FHDC1: variants seen among roughly 807,000 people sequenced by gnomAD.
The protein encoded by FHDC1 is FH2 domain containing 1.
Under a neutral mutation model 52.6 loss-of-function variants are expected in FHDC1, and 25 were observed. The ratio of observed to expected loss-of-function variants is 0.48; its 90% confidence interval spans 0.35 to 0.66. The LOEUF is 0.66. Among genes scored for constraint, FHDC1 ranks in the 30% least tolerant of loss-of-function variants. FHDC1 has a pLI of 0.01. For synonymous variants in FHDC1, 616 were observed against 581.5 expected (o/e 1.06, Z -0.85); for missense variants, 1,459 against 1,452.8 (o/e 1.00, Z -0.07).
rs190636594 is a variant in FHDC1 at position 152,960,368 on chromosome 4, A to G, written c.664-197A>G. On this transcript the variant is annotated intron_variant, in intron 4 of 11. Transcript: ENST00000511601. ...AAGTGACGCTAGCTCTTTGCTTTCA[A>G]ATTTGTGAGTTTGTATTTTTCTTTT... Among the ~76,000 whole-genome samples the G allele has an allele frequency of 2.3e-3, 356 of 152,226 alleles. 3 individuals are homozygous for G. The highest frequency in any genetic ancestry group is 2.2e-3 in the Non-Finnish European group (152 of 68,014).
At chr4:152,936,581 G>T (rs867021723) in intron 1 of FHDC1, among the ~76,000 whole-genome samples, 172 bp downstream of exon 1, 1 of 152,110 alleles carries the variant, frequency 6.6e-6, no homozygotes, top group Non-Finnish European at 1.5e-5. Context: ...GAGCCTCACC[G>T]GGAAAGCTGG....
At chr4:152,960,674 T>C in intron 5 of FHDC1, 24 bp downstream of exon 5, 2 of 1,613,360 alleles carry the variant, frequency 1.2e-6, no homozygotes, top group Non-Finnish European at 1.7e-6. Flanking sequence ...CGCTGGTTAT[T>C]ATTCTTCACG....
chr4:152,926,308 A>ACAC, the FHDC1 span, among the ~76,000 whole-genome samples: 1 of 150,440 alleles, frequency 6.6e-6, no homozygotes, highest in African/African-American at 2.4e-5. Context: ...ACACACAAAC[A>ACAC]ATACACACAA....
intron 6 of FHDC1, 89 bp downstream of exon 6, chr4:152,960,933 A>C: frequency 1.1e-6 from 1 of 925,156 alleles, no homozygotes. Flanking sequence ...TGGACATGGA[A>C]AGTCCTGAAT....
intron 10 of FHDC1, among the ~76,000 whole-genome samples, chr4:152,970,659 C>T (rs546895520): frequency 6.6e-6 from 1 of 152,330 alleles, no homozygotes; most frequent in South Asian, 2.1e-4. Context: ...TTCATTAATA[C>T]CATTCCTCCA....
At chr4:152,933,993 G>A (rs1739300627), upstream of FHDC1, among the ~76,000 whole-genome samples, 1 of 152,146 alleles carries the variant, frequency 6.6e-6, no homozygotes, top group South Asian at 2.1e-4. Context: ...TTAGGAAGAA[G>A]AGAGAAGCAG....
In FHDC1 at chr4:152,976,269, C is replaced by G. The variant is rs760878003; in HGVS notation, c.2978C>G (p.Pro993Arg). The G allele has an allele frequency of 1.9e-6, 3 of 1,613,416 alleles. No homozygotes were observed. In the East Asian group the frequency reaches 6.7e-5, roughly 36 times the overall value. The stretch of plus-strand genomic sequence containing the variant: ...AGTGCCAAACCACTCAGGAACCTCC[C>G]CAGACAGAAGCCTGAGGAAAATAAG... ...KPSAKPLRNL[P>R]RQKPEENKTC... is the part of the protein sequence containing the mutation. The change falls in exon 12 of 12, where the codon CCC becomes CGC. Residue 993 changes from proline (P) to arginine (R), a missense_variant. Pro to Arg is a moderately radical substitution (Grantham distance 103, BLOSUM62 -2). Transcript: ENST00000511601.
chr4:152,976,081 T>TA lies in FHDC1; in HGVS notation c.2790_2791insA (p.Pro931ThrfsTer68). On this transcript the variant is annotated frameshift_variant, in exon 12 of 12. Coordinates refer to ENST00000511601, the MANE Select transcript of FHDC1 (RefSeq NM_001371116.1). LOFTEE classifies it low-confidence loss of function (END_TRUNC). ...TGTCATCCCGGGGGCCCTCCCAGAA[T>TA]CCCCCCAGCAGCACAGATACTGTGT... 1 of 1,603,174 alleles carries TA rather than the reference T, an allele frequency of 6.2e-7. No homozygotes were observed. The highest frequency in any genetic ancestry group is 8.5e-7 in the Non-Finnish European group (1 of 1,175,520).
intron 2 of FHDC1, among the ~76,000 whole-genome samples, chr4:152,953,247 T>A (rs1215514993): frequency 6.6e-6 from 1 of 152,234 alleles, no homozygotes; most frequent in Non-Finnish European, 1.5e-5. Flanking sequence ...AAAAGTTATA[T>A]AATATTAAAG....
At position 152,978,557 on chromosome 4, in the gene FHDC1, A is replaced by G. The variant is rs913151685; in HGVS notation, c.*1834A>G. On this transcript the variant is annotated 3_prime_UTR_variant, in exon 12 of 12. Coordinates refer to ENST00000511601, the MANE Select transcript of FHDC1 (RefSeq NM_001371116.1). ...TTATTCAAAAGAAACAGTTGAAAAC[A>G]TGGGACTTTTTCTACCCAATGCCCA... is the stretch of plus-strand genomic sequence containing the variant. The G allele has an allele frequency of 2.6e-4, 7 of 27,356 alleles. No individual in the cohort carries two copies. The highest frequency in any genetic ancestry group is 5.8e-4 in the African/African-American group (7 of 12,060). The allele number at this position is 27,356 out of a possible 1,614,324, so 1.7% of individuals were successfully genotyped here.
In FHDC1 at chr4:152,978,861, G is replaced by A. The variant is rs1343113055; in HGVS notation, c.*2138G>A. On this transcript the variant is annotated 3_prime_UTR_variant, in exon 12 of 12. Transcript: ENST00000511601. ...AGTCAGCTGAGTTTTAAAGGTAAACGTTATGGCTGAAATAGTAAAGCACCT... is the reference window on the plus strand; with the variant it reads ...AGTCAGCTGAGTTTTAAAGGTAAACATTATGGCTGAAATAGTAAAGCACCT... The A allele has an allele frequency of 6.6e-6, 1 of 152,132 alleles. No individual in the cohort carries two copies. Among genetic ancestry groups the A allele is most frequent in the Non-Finnish European group, 1.5e-5 (1 of 68,030 alleles). 9.4% of individuals were successfully genotyped at this position (152,132 alleles called of 1,614,324 possible). A position where few individuals can be genotyped will look rare whatever the true frequency, so the allele number is the denominator to read the frequency against.
chr4:152,964,868 A>G (rs1182668574), intron 8 of FHDC1, 37 bp from the exon 9 acceptor site: 4 of 1,540,756 alleles, frequency 2.6e-6, no homozygotes, highest in African/African-American at 2.8e-5. Flanking sequence ...TTCCAGTTTT[A>G]TCAACATAGT....
the FHDC1 span, among the ~76,000 whole-genome samples, chr4:152,919,503 T>TGCC: frequency 6.6e-6 from 1 of 152,238 alleles, no homozygotes; most frequent in Non-Finnish European, 1.5e-5. Flanking sequence ...CTATCCATGT[T>TGCC]GCCAAATAAA....
rs139213320 is a variant in FHDC1, at chr4:152,968,831, C to T, written c.1218+734C>T. Among the ~76,000 whole-genome samples the T allele has an allele frequency of 3.9e-5, 6 of 152,222 alleles. No homozygotes were observed. In the East Asian group the frequency reaches 1.2e-3, roughly 29 times the overall value. On this transcript the variant is annotated intron_variant, in intron 10 of 11. Coordinates refer to ENST00000511601, the MANE Select transcript of FHDC1 (RefSeq NM_001371116.1). ...ACAAAGTTCCACAGAAATCAAGATG[C>T]CTTAGAACTTGGGCTGTCATTTCTT... is the stretch of plus-strand genomic sequence containing the variant.
At position 152,960,746 on chromosome 4, in the gene FHDC1, A is replaced by T; in HGVS notation, c.752A>T (p.Tyr251Phe). 6.2e-7 allele frequency: 1 copy of T among 1,613,096 alleles called. No homozygotes were observed. Among genetic ancestry groups the T allele is most frequent in the Non-Finnish European group, 8.5e-7 (1 of 1,179,762 alleles). ...AGTTTTACTTTTTTATTTTTCAGCTATTCACTTCGGATTGAAGCCATGGTG... is the reference window on the plus strand; with the variant it reads ...AGTTTTACTTTTTTATTTTTCAGCTTTTCACTTCGGATTGAAGCCATGGTG... Reference protein sequence around the residue: ...FLYGLIQVPNYSLRIEAMVLK... With the variant: ...FLYGLIQVPNFSLRIEAMVLK... The change falls in exon 6 of 12, where the codon TAT becomes TTT. Residue 251 changes from tyrosine (Y) to phenylalanine (F), a missense_variant and splice_region_variant. Physicochemically the swap from Tyr to Phe is conservative, Grantham distance 22. Around this residue, in one of 3 missense-constraint regions of FHDC1, gnomAD observed 513 missense variants for 581.5 expected, o/e 0.88. Coordinates refer to ENST00000511601, the MANE Select transcript of FHDC1 (RefSeq NM_001371116.1).
At chr4:152,943,976 T>A (rs1203050606) in intron 2 of FHDC1, among the ~76,000 whole-genome samples, 2 of 152,224 alleles carry the variant, frequency 1.3e-5, no homozygotes, top group Non-Finnish European at 2.9e-5. Context: ...TTAAATAGCA[T>A]CATCAGCTGA....
chr4:152,921,880 C>T, the FHDC1 span, among the ~76,000 whole-genome samples: 1 of 152,102 alleles, frequency 6.6e-6, no homozygotes, highest in Non-Finnish European at 1.5e-5. Flanking sequence ...AAATTTATAG[C>T]ACTAAATGTC....
Position 152,975,461 on chromosome 4 carries a change from C to G in FHDC1, c.2170C>G (p.Leu724Val), listed in dbSNP as rs1740830037. The change falls in exon 12 of 12, where the codon CTG (leucine) becomes GTG (valine). Residue 724 changes from leucine to valine, a missense_variant. Leu to Val is a conservative substitution (Grantham distance 32). Transcript: ENST00000511601. ...PQSLSASSSS[L>V]TPMGRDALGS... The stretch of plus-strand genomic sequence containing the variant: ...GTCCCTCAGTGCCAGCAGCAGCAGC[C>G]TGACACCCATGGGCAGAGATGCCCT... 1.2e-6 allele frequency: 2 copies of G among 1,613,286 alleles called. No individual in the cohort carries two copies. Among genetic ancestry groups the G allele is most frequent in the Admixed American group, 1.7e-5 (1 of 60,014 alleles).
chr4:152,969,086 T>TA (rs72178531), intron 10 of FHDC1, among the ~76,000 whole-genome samples: 145 of 136,988 alleles, frequency 1.1e-3, no homozygotes, highest in Middle Eastern at 3.7e-3. Flanking sequence ...TCTTCCTTAT[T>TA]AAAAAAAAAA....
Sources: allele counts gnomAD v4.1 joint callset (sites outside exome capture counted in the v4.1 genomes callset), GRCh38; gene constraint gnomAD v4.1.1; regional missense constraint gnomAD v4.1.1; transcripts MANE v1.5; gene names NCBI Gene and HGNC (gene_info 2026-07-23, HGNC 2026-07-21).